The following ZNF609 variants were observed in gnomAD, a reference collection of about 807,000 sequenced individuals.
ZNF609 encodes the protein zinc finger protein 609.
In ZNF609, 11 loss-of-function variants were observed where a neutral mutation model predicts 109.5. The ratio of observed to expected loss-of-function variants is 0.10; its 90% CI spans 0.06 to 0.17. ZNF609 has a LOEUF of 0.17. Among genes scored for constraint, ZNF609 ranks in the 10% least tolerant of loss-of-function variants. ZNF609 has a pLI of 1.00. For missense variants in ZNF609, 1,559 were observed against 1,772.4 expected, an observed-to-expected ratio of 0.88 and a Z score of 2.16; for synonymous variants, 646 against 662.0, an observed-to-expected ratio of 0.98 and a Z score of 0.37.
chr15:64,577,169 ATAT>A (rs1313483663), intron 2 of ZNF609, among the ~76,000 whole-genome samples: 2 of 121,428 alleles, frequency 1.6e-5, no homozygotes, highest in African/African-American at 6.0e-5. Context: ...TATACACACA[ATAT>A]ATACATATAT....
chr15:64,525,783 C>A (rs1893960050), intron 2 of ZNF609, among the ~76,000 whole-genome samples: 1 of 150,728 alleles, frequency 6.6e-6, no homozygotes, highest in Admixed American at 6.6e-5. Flanking sequence ...AAATCTTGCC[C>A]TTTTTCTTTT....
At chr15:64,507,447 G>A (rs1893653484) in intron 2 of ZNF609, among the ~76,000 whole-genome samples, 1 of 152,194 alleles carries the variant, frequency 6.6e-6, no homozygotes, top group Admixed American at 6.5e-5. Flanking sequence ...TTCAAGCCAT[G>A]CTTGAGTAAC....
At chr15:64,541,775 G>A (rs1894267325) in intron 2 of ZNF609, among the ~76,000 whole-genome samples, 2 of 145,944 alleles carry the variant, frequency 1.4e-5, no homozygotes, top group African/African-American at 5.1e-5. Flanking sequence ...GGGAGGCAGA[G>A]CTTGCAGTGA....
At chr15:64,606,227 C>T (rs907943221) in intron 2 of ZNF609, among the ~76,000 whole-genome samples, 2 of 151,590 alleles carry the variant, frequency 1.3e-5, no homozygotes, top group African/African-American at 4.8e-5. Context: ...AGTCCTCCTG[C>T]CTCAGCCTTA....
chr15:64,588,440 A>AG (rs1387730985), intron 2 of ZNF609, among the ~76,000 whole-genome samples: 3 of 142,618 alleles, frequency 2.1e-5, no homozygotes, highest in Non-Finnish European at 4.5e-5. Flanking sequence ...AAAAAAAAAA[A>AG]AAAAGAAGAG....
intron 2 of ZNF609, among the ~76,000 whole-genome samples, chr15:64,570,711 G>T (rs563766): frequency 0.74 from 112,826 of 151,998 alleles, 45,412 homozygotes; most frequent in East Asian, 0.96. Context: ...TTCATGTTAT[G>T]TTTTTTTGGA....
chr15:64,588,271 A>AAC (rs1555421260), intron 2 of ZNF609, among the ~76,000 whole-genome samples: 2 of 149,512 alleles, frequency 1.3e-5, no homozygotes, highest in African/African-American at 4.9e-5. Context: ...CAAAAAAAAA[A>AAC]AACAAAAATT....
rs1376635827 is a variant in ZNF609 at position 64,685,703 on chromosome 15, T to C, written c.*4017T>C. On this transcript the variant is annotated 3_prime_UTR_variant, in exon 10 of 10. Coordinates refer to ENST00000326648, the MANE Select transcript of ZNF609 (RefSeq NM_015042.2). Reference sequence around the variant, plus strand: ...AAACCTGCCTGGGAGTTAGGACGGATGGTTTTAGGAATGACCGGAAAACTA... The same window carrying C: ...AAACCTGCCTGGGAGTTAGGACGGACGGTTTTAGGAATGACCGGAAAACTA... 1.3e-5 allele frequency: 2 copies of C among 152,626 alleles called. No homozygotes were observed. Among genetic ancestry groups the C allele is most frequent in the Admixed American group, 1.3e-4 (2 of 15,272 alleles). 9.5% of individuals were successfully genotyped at this position (152,626 alleles called of 1,614,324 possible).
In ZNF609 at chr15:64,500,083, G is replaced by A. The variant is rs1006180429; in HGVS notation, c.664G>A (p.Ala222Thr). 2.5e-6 allele frequency: 4 copies of A among 1,614,048 alleles called. No individual in the cohort carries two copies. The African/African-American group carries it at 5.3e-5, about 22-fold the overall frequency. The change falls in exon 2 of 10, where the codon GCG becomes ACG. Residue 222 changes from alanine (A) to threonine (T), a missense_variant. By Grantham distance (58) the Ala-to-Thr change is moderately conservative. Transcript: ENST00000326648. The stretch of plus-strand genomic sequence containing the variant: ...GAGTATAGCTATTGAGCCTGGGGCA[G>A]CGCTCAATCCTTTGGGAACTAAACC... Reference protein sequence around the residue: ...LGSIAIEPGAALNPLGTKPEP... With the variant: ...LGSIAIEPGATLNPLGTKPEP...
At chr15:64,637,994 T>TTTTA (rs1555424284) in intron 3 of ZNF609, among the ~76,000 whole-genome samples, 14 of 134,362 alleles carry the variant, frequency 1.0e-4, no homozygotes, top group South Asian at 2.4e-4. Context: ...GAACCTTGTT[T>TTTTA]TATATATATA....
At chr15:64,606,205 C>T (rs893825053) in intron 2 of ZNF609, among the ~76,000 whole-genome samples, 3 of 151,610 alleles carry the variant, frequency 2.0e-5, no homozygotes, top group Non-Finnish European at 2.9e-5. Context: ...CCTCAACCTC[C>T]TGGGCTCAAG....
chr15:64,614,007 TC>T (rs11340449), intron 2 of ZNF609, among the ~76,000 whole-genome samples: 6,970 of 151,858 alleles, frequency 0.046, 524 homozygotes, highest in African/African-American at 0.16. Flanking sequence ...CACTGCAACC[TC>T]TGCCTCCCAG....
intron 2 of ZNF609, chr15:64,528,605 C>G: frequency 2.8e-6 from 2 of 702,928 alleles, no homozygotes; most frequent in East Asian, 5.5e-5. Flanking sequence ...GGCAGGGACT[C>G]CCCAGCAGTA....
chr15:64,502,015 T>C (rs1566999300), intron 2 of ZNF609: 2 of 152,202 alleles, frequency 1.3e-5, no homozygotes, highest in East Asian at 1.9e-4. Context: ...CCAGGGAGTT[T>C]TGTCCCTTAA....
At chr15:64,644,697 G>A (rs1435867598) in intron 3 of ZNF609, among the ~76,000 whole-genome samples, 1 of 152,180 alleles carries the variant, frequency 6.6e-6, no homozygotes, top group Non-Finnish European at 1.5e-5. Flanking sequence ...TAAGTCCAAA[G>A]TGGATACTAT....
chr15:64,555,521 G>A (rs1167285091), intron 2 of ZNF609, among the ~76,000 whole-genome samples: 6 of 151,908 alleles, frequency 3.9e-5, no homozygotes, highest in African/African-American at 9.7e-5. Flanking sequence ...AAAATTAGCC[G>A]GGCATGGTGT....
intron 2 of ZNF609, among the ~76,000 whole-genome samples, chr15:64,596,446 G>A (rs1288433988): frequency 1.3e-5 from 2 of 152,048 alleles, no homozygotes; most frequent in African/African-American, 4.8e-5. Context: ...GAGCCACCGT[G>A]CTCTATGCCA....
At chr15:64,467,027 C>T (rs1383625227) in intron 1 of ZNF609, among the ~76,000 whole-genome samples, 1 of 152,180 alleles carries the variant, frequency 6.6e-6, no homozygotes, top group African/African-American at 2.4e-5. Context: ...CTTGTCAAGG[C>T]AGAACTCCAG....
At chr15:64,495,939 C>T (rs899875435) in intron 1 of ZNF609, among the ~76,000 whole-genome samples, 1 of 152,056 alleles carries the variant, frequency 6.6e-6, no homozygotes, top group Admixed American at 6.5e-5. Context: ...ATGCCTCAGC[C>T]TCCCAAGTAA....
Sources: gnomAD v4.1 joint callset for allele counts (sites outside exome capture counted in the v4.1 genomes callset) on GRCh38, gnomAD v4.1.1 for gene constraint, MANE v1.5 for transcripts, NCBI Gene and HGNC (gene_info 2026-07-23, HGNC 2026-07-21) for gene names.